XRCC4: variants seen among roughly 807,000 people sequenced by gnomAD.
The protein encoded by XRCC4 is DNA repair protein XRCC4.
A neutral mutation model predicts 39.1 loss-of-function variants in XRCC4; 28 were observed. The ratio of observed to expected loss-of-function variants is 0.72; its 90% confidence interval spans 0.53 to 0.98. The LOEUF is 0.98. Among genes scored for constraint, XRCC4 ranks in the 50% least tolerant of loss-of-function variants. The probability of loss-of-function intolerance (pLI) is 0.00; values close to 1 mark genes in which losing one functional copy is unlikely to be tolerated. For synonymous variants in XRCC4, 123 were observed against 126.4 expected, an observed-to-expected ratio of 0.97 and a Z score of 0.18; for missense variants, 350 against 376.4, an observed-to-expected ratio of 0.93 and a Z score of 0.58.
At chr5:83,155,075 G>A (rs1324616361) in intron 3 of XRCC4, among the ~76,000 whole-genome samples, 3 of 152,098 alleles carry the variant, frequency 2.0e-5, no homozygotes, top group Non-Finnish European at 2.9e-5. Context: ...TGGGGCTGGG[G>A]CAGGAGAAAG....
chr5:83,347,696 C>A (rs566255882), intron 7 of XRCC4, among the ~76,000 whole-genome samples: 102 of 152,222 alleles, frequency 6.7e-4, no homozygotes, highest in African/African-American at 2.4e-3. Flanking sequence ...CTCCCACATC[C>A]CCTTCTCACA....
At chr5:83,321,781 C>T (rs1037681024) in intron 7 of XRCC4, among the ~76,000 whole-genome samples, 1 of 151,796 alleles carries the variant, frequency 6.6e-6, no homozygotes, top group Non-Finnish European at 1.5e-5. Context: ...ATGTGATATT[C>T]CCTGAAGAAT....
chr5:83,205,826 G>A (rs1405883603), intron 6 of XRCC4, among the ~76,000 whole-genome samples: 1 of 151,682 alleles, frequency 6.6e-6, no homozygotes, highest in African/African-American at 2.4e-5. Flanking sequence ...ATAAGGATGA[G>A]GGTTATGATT....
chr5:83,202,609 A>G (rs1407953440), intron 4 of XRCC4, among the ~76,000 whole-genome samples: 5 of 152,142 alleles, frequency 3.3e-5, no homozygotes, highest in African/African-American at 7.2e-5. Flanking sequence ...ATATATTACT[A>G]CTGGTATATA....
In XRCC4 at chr5:83,266,503, T is replaced by A. The variant is rs1471917049; in HGVS notation, c.893+7826T>A. On this transcript the variant is annotated intron_variant, in intron 7 of 7. Coordinates refer to ENST00000396027, the MANE Select transcript of XRCC4 (RefSeq NM_003401.5). ...GATGTCAGCAAATGGAAGAAAGAAA[T>A]CAGATATGAGAATAAAAGATAAACC... Among the ~76,000 whole-genome samples the A allele has an allele frequency of 3.3e-5, 5 of 151,368 alleles. No homozygotes were observed. The East Asian group carries it at 9.7e-4, about 29-fold the overall frequency.
At chr5:83,361,413 C>G in the XRCC4 span, among the ~76,000 whole-genome samples, 1 of 152,108 alleles carries the variant, frequency 6.6e-6, no homozygotes, top group Non-Finnish European at 1.5e-5. Context: ...GATTCTGAGC[C>G]TCATTCATGT....
intron 6 of XRCC4, among the ~76,000 whole-genome samples, chr5:83,214,816 G>A (rs1236344708): frequency 2.8e-5 from 4 of 143,610 alleles, no homozygotes; most frequent in Non-Finnish European, 4.5e-5. Flanking sequence ...CAGCCTGGGC[G>A]ACAGAGCAAG....
chr5:83,165,817 A>C (rs1749439519), intron 3 of XRCC4, among the ~76,000 whole-genome samples: 1 of 150,972 alleles, frequency 6.6e-6, no homozygotes, highest in Non-Finnish European at 1.5e-5. Context: ...ACATGATCTC[A>C]TTCTTGTGGC....
At position 83,303,212 on chromosome 5, in the gene XRCC4, CAA is replaced by C. The variant is rs760220069; in HGVS notation, c.893+44555_893+44556del. On this transcript the variant is annotated intron_variant, in intron 7 of 7. Transcript: ENST00000396027. ...TAGGAGACAGAGCAAGACTCCGTCT[CAA>C]AAAAAAAAAAAAAAAAAAAGATGTC... Among the ~76,000 whole-genome samples the C allele has an allele frequency of 5.8e-3, 365 of 62,870 alleles. 1 individual carries two copies. Among genetic ancestry groups the C allele is most frequent in the African/African-American group, 0.016 (343 of 22,060 alleles). 41.2% of individuals were successfully genotyped at this position (62,870 alleles called of 152,430 possible). A position where few individuals can be genotyped will look rare whatever the true frequency, so the allele number is the denominator to read the frequency against.
intron 3 of XRCC4, among the ~76,000 whole-genome samples, chr5:83,172,728 A>G (rs1342361470): frequency 2.0e-5 from 3 of 152,304 alleles, no homozygotes; most frequent in South Asian, 4.1e-4. Flanking sequence ...GCTTTTGGCA[A>G]TGAGAGGAAA....
At chr5:83,369,680 T>G in the XRCC4 span, among the ~76,000 whole-genome samples, 2 of 152,214 alleles carry the variant, frequency 1.3e-5, no homozygotes, top group Non-Finnish European at 2.9e-5. Flanking sequence ...TGCCATGTCT[T>G]TGGTATTGTG....
At chr5:83,315,769 T>G (rs2112110761) in intron 7 of XRCC4, among the ~76,000 whole-genome samples, 2 of 152,278 alleles carry the variant, frequency 1.3e-5, no homozygotes, top group Middle Eastern at 6.8e-3. Context: ...TTCAAAATAT[T>G]ACTGCTCATT....
At chr5:83,281,234 T>G (rs149413750) in intron 7 of XRCC4, among the ~76,000 whole-genome samples, 8 of 152,330 alleles carry the variant, frequency 5.3e-5, no homozygotes, top group African/African-American at 1.9e-4. Context: ...ACTGCTTTGA[T>G]TTAAGCCCTT....
In XRCC4 at chr5:83,167,838, A is replaced by G. The variant is rs147432763; in HGVS notation, c.316-27932A>G. Among the ~76,000 whole-genome samples the G allele has an allele frequency of 4.3e-3, 657 of 152,336 alleles. 4 individuals are homozygous for G. Among genetic ancestry groups the G allele is most frequent in the African/African-American group, 0.014 (572 of 41,584 alleles). ...ATACCCCCTCTGAAGATAAGTTCAT[A>G]ATAAAAAGCTCCAGCCACATGAATT... On this transcript the variant is annotated intron_variant, in intron 3 of 7. Transcript: ENST00000396027.
rs987902350 is a variant in XRCC4 at position 83,204,728 on chromosome 5, A to G, written c.639-87A>G. 55 of 877,334 alleles carry G rather than the reference A, an allele frequency of 6.3e-5. 1 individual carries two copies. In the East Asian group the frequency reaches 1.4e-3, roughly 22 times the overall value. 54.3% of individuals were successfully genotyped at this position (877,334 alleles called of 1,614,324 possible). ...GTCTAATTAGAATCTTTTTCTAGGA[A>G]TATTTTCTATAATTGCTTACTGATA... is the stretch of plus-strand genomic sequence containing the variant. On this transcript the variant is annotated intron_variant, in intron 5 of 7. Transcript: ENST00000396027.
At chr5:83,098,702 A>C (rs976588228) in intron 1 of XRCC4, among the ~76,000 whole-genome samples, 3 of 152,094 alleles carry the variant, frequency 2.0e-5, no homozygotes, top group African/African-American at 7.2e-5. Flanking sequence ...ACCCTTTGGT[A>C]ACACTAACCA....
chr5:83,348,897 C>T (rs1195773160), intron 7 of XRCC4, among the ~76,000 whole-genome samples: 1 of 152,166 alleles, frequency 6.6e-6, no homozygotes, highest in Non-Finnish European at 1.5e-5. Context: ...TGCTTTGCTG[C>T]TTAGAAATTT....
chr5:83,247,280 A>T (rs72769324), intron 6 of XRCC4, among the ~76,000 whole-genome samples: 9,703 of 152,242 alleles, frequency 0.064, 413 homozygotes, highest in South Asian at 0.16. Context: ...CATATCTTAC[A>T]GCAGGGGTCC....
chr5:83,180,725 A>G (rs759417982), intron 3 of XRCC4, among the ~76,000 whole-genome samples: 80 of 152,276 alleles, frequency 5.3e-4, no homozygotes, highest in Non-Finnish European at 7.8e-4. Flanking sequence ...GCTGGACACC[A>G]TTAGCTTTTT....
Sources: gnomAD v4.1 joint callset for allele counts (sites outside exome capture counted in the v4.1 genomes callset) on GRCh38, gnomAD v4.1.1 for gene constraint, MANE v1.5 for transcripts, NCBI Gene and HGNC (gene_info 2026-07-23, HGNC 2026-07-21) for gene names.